CNGA3: variants seen among roughly 807,000 people sequenced by gnomAD.
The protein encoded by CNGA3 is cyclic nucleotide-gated channel alpha-3.
A neutral mutation model predicts 46.6 loss-of-function variants in CNGA3; 42 were observed. That is an observed-to-expected ratio of 0.90 (90% CI 0.70 to 1.17). The LOEUF (loss-of-function observed/expected upper bound fraction) is 1.17. Ranked by LOEUF, CNGA3 falls within the 50% of genes most tolerant of loss-of-function variation. The pLI is 0.00. For synonymous variants in CNGA3, 394 were observed against 369.4 expected (o/e 1.07, Z -0.76); for missense variants, 893 against 890.7 (o/e 1.00, Z -0.03).
intron 3 of CNGA3, among the ~76,000 whole-genome samples, chr2:98,378,542 A>T (rs557615489): frequency 6.6e-6 from 1 of 152,356 alleles, no homozygotes; most frequent in Non-Finnish European, 1.5e-5. Context: ...AGATTATCAC[A>T]AAAGAAATTC....
At chr2:98,359,000 A>G (rs1034371776) in intron 1 of CNGA3, among the ~76,000 whole-genome samples, 1 of 152,224 alleles carries the variant, frequency 6.6e-6, no homozygotes, top group Non-Finnish European at 1.5e-5. Flanking sequence ...AGAGCCTTGA[A>G]CAGGGAATGC....
chr2:98,381,969 T>C (rs370123238), intron 4 of CNGA3, among the ~76,000 whole-genome samples: 1 of 152,218 alleles, frequency 6.6e-6, no homozygotes, highest in African/African-American at 2.4e-5. Context: ...AAAGACTTCC[T>C]TATTTAAATT....
chr2:98,347,937 A>G (rs1411383962), intron 1 of CNGA3, among the ~76,000 whole-genome samples: 3 of 152,218 alleles, frequency 2.0e-5, no homozygotes, highest in Non-Finnish European at 4.4e-5. Flanking sequence ...GCGTGCGTTC[A>G]CGCTGAGAAT....
intron 4 of CNGA3, among the ~76,000 whole-genome samples, chr2:98,382,409 C>A (rs993663097): frequency 1.3e-5 from 2 of 152,126 alleles, no homozygotes; most frequent in South Asian, 4.1e-4. Flanking sequence ...TTCAGATGAG[C>A]AGAACCAATC....
In CNGA3 at chr2:98,396,994, A is replaced by C; in HGVS notation, c.1824A>C (p.Lys608Asn). ...AGAAAGGACGGCAGATCCTGATGAA[A>C]GACAACCTGATCGATGAGGAGCTGG... ...LEEKGRQILM[K>N]DNLIDEELAR... The change falls in exon 8 of 8, where the codon AAA (lysine) becomes AAC (asparagine). Residue 608 changes from lysine to asparagine, a missense_variant. Physicochemically the swap from Lys to Asn is moderately conservative, Grantham distance 94. Transcript: ENST00000272602. 1 of 1,614,068 alleles carries C rather than the reference A, an allele frequency of 6.2e-7. No individual in the cohort carries two copies. Among genetic ancestry groups the C allele is most frequent in the South Asian group, 1.1e-5 (1 of 91,078 alleles).
In CNGA3 at chr2:98,369,925, T is replaced by C. The variant is rs1211543848; in HGVS notation, c.-37-14T>C. 1 of 1,493,352 alleles carries C rather than the reference T, an allele frequency of 6.7e-7. No individual in the cohort carries two copies. Among genetic ancestry groups the C allele is most frequent in the Non-Finnish European group, 9.3e-7 (1 of 1,074,962 alleles). 92.5% of individuals were successfully genotyped at this position (1,493,352 alleles called of 1,614,324 possible). A position where few individuals can be genotyped will look rare whatever the true frequency, so the allele number is the denominator to read the frequency against. On this transcript the variant is annotated splice_polypyrimidine_tract_variant and intron_variant, in intron 1 of 7. Transcript: ENST00000272602. ...CTGTCCTGATGACGTGTCTGCTTTG[T>C]GTTCACATTTTAGCAATCATCTGGG...
At chr2:98,349,761 T>C (rs1031478635) in intron 1 of CNGA3, among the ~76,000 whole-genome samples, 1 of 152,120 alleles carries the variant, frequency 6.6e-6, no homozygotes, top group African/African-American at 2.4e-5. Flanking sequence ...ATTTCTGAAT[T>C]AGTAAATAAA....
Position 98,394,768 on chromosome 2 carries a change from A to T in CNGA3, c.674-1076A>T, listed in dbSNP as rs192694657. Among the ~76,000 whole-genome samples, 244 of 152,356 alleles carry T rather than the reference A, an allele frequency of 1.6e-3. 1 individual carries two copies. Among genetic ancestry groups the T allele is most frequent in the Non-Finnish European group, 2.5e-3 (167 of 68,028 alleles). ...CAGGAAGTCAAACTCACTCTGCCAA[A>T]GGGAAGAGTTAGGCTTGGGAACTGA... On this transcript the variant is annotated intron_variant, in intron 7 of 7. Coordinates refer to ENST00000272602, the MANE Select transcript of CNGA3 (RefSeq NM_001298.3).
Position 98,377,725 on chromosome 2 carries a change from A to T in CNGA3, c.140A>T (p.Gln47Leu), listed in dbSNP as rs1692439443. The change falls in exon 3 of 8, where the codon CAG becomes CTG. Residue 47 changes from glutamine (Q) to leucine (L), a missense_variant. Physicochemically the swap from Gln to Leu is moderately radical, Grantham distance 113. Transcript: ENST00000272602. ...AGTGAGGAGACATCGTCAGTGCTGC[A>T]GCCGGGGATCGCCATGGAGACCAGA... is the stretch of plus-strand genomic sequence containing the variant. ...SSSEETSSVL[Q>L]PGIAMETRGL... 6.2e-7 allele frequency: 1 copy of T among 1,613,388 alleles called. No homozygotes were observed. The highest frequency in any genetic ancestry group is 1.3e-5 in the African/African-American group (1 of 74,920).
intron 2 of CNGA3, among the ~76,000 whole-genome samples, chr2:98,371,312 C>G (rs1437699225): frequency 6.6e-6 from 1 of 152,182 alleles, no homozygotes; most frequent in East Asian, 1.9e-4. Context: ...CTGCACTGGG[C>G]CCTCGTGCCT....
chr2:98,361,776 C>G (rs544687619), intron 1 of CNGA3, among the ~76,000 whole-genome samples: 1 of 147,308 alleles, frequency 6.8e-6, no homozygotes, highest in Non-Finnish European at 1.5e-5. Context: ...GGCGCGATCT[C>G]GGCTCTCTGC....
chr2:98,378,078 A>C, intron 3 of CNGA3: 5 of 1,550,860 alleles, frequency 3.2e-6, no homozygotes, highest in Non-Finnish European at 3.5e-6. Context: ...ATTCAGAAAA[A>C]AAGCCAACCG....
At chr2:98,392,810 T>C (rs2104238599) in intron 7 of CNGA3, among the ~76,000 whole-genome samples, 1 of 152,272 alleles carries the variant, frequency 6.6e-6, no homozygotes, top group Non-Finnish European at 1.5e-5. Context: ...CCCAGGTGAA[T>C]GAGGACTTCC....
At chr2:98,379,375 A>T (rs1692487148) in intron 3 of CNGA3, among the ~76,000 whole-genome samples, 1 of 152,150 alleles carries the variant, frequency 6.6e-6, no homozygotes, top group Non-Finnish European at 1.5e-5. Context: ...GGGAAACCAG[A>T]AGCCAAGAAA....
intron 2 of CNGA3, among the ~76,000 whole-genome samples, chr2:98,374,563 C>G (rs1054881043): frequency 6.6e-6 from 1 of 152,216 alleles, no homozygotes; most frequent in Non-Finnish European, 1.5e-5. Flanking sequence ...CTGCATTAGT[C>G]GCCAAAAGCA....
At chr2:98,349,505 C>T (rs547789598) in intron 1 of CNGA3, among the ~76,000 whole-genome samples, 13 of 152,288 alleles carry the variant, frequency 8.5e-5, no homozygotes, top group African/African-American at 3.1e-4. Context: ...TTCATTTACA[C>T]ATTTATTCAT....
At chr2:98,389,611 A>G in intron 5 of CNGA3, 47 bp from the exon 6 acceptor site, 1 of 1,529,686 alleles carries the variant, frequency 6.5e-7, no homozygotes, top group Non-Finnish European at 9.1e-7. Context: ...CTCCAAAGCT[A>G]CAGTCTTGGA....
At chr2:98,395,442 T>A (rs1692888991) in intron 7 of CNGA3, among the ~76,000 whole-genome samples, 1 of 152,216 alleles carries the variant, frequency 6.6e-6, no homozygotes, top group Non-Finnish European at 1.5e-5. Context: ...AGTACTGGGA[T>A]TATAGGCATG....
At chr2:98,347,750 C>A (rs143542340) in intron 1 of CNGA3, among the ~76,000 whole-genome samples, 11 of 152,286 alleles carry the variant, frequency 7.2e-5, no homozygotes, top group Non-Finnish European at 1.5e-4. Context: ...TCCAAAGGGG[C>A]GAGGCTGGGA....
Sources: gnomAD v4.1 joint callset for allele counts (sites outside exome capture counted in the v4.1 genomes callset) on GRCh38, gnomAD v4.1.1 for gene constraint, MANE v1.5 for transcripts, NCBI Gene and HGNC (gene_info 2026-07-23, HGNC 2026-07-21) for gene names.